ARHGAP10: variants seen among roughly 807,000 people sequenced by gnomAD.
ARHGAP10 encodes the protein Rho GTPase activating protein 10, also known as rho GTPase-activating protein 10.
A neutral mutation model predicts 108.6 loss-of-function variants in ARHGAP10; 87 were observed. The observed-to-expected ratio is 0.80, with a 90% CI of 0.67 to 0.96. The LOEUF (loss-of-function observed/expected upper bound fraction) is 0.96. Ranked by LOEUF, ARHGAP10 falls within the 40% of genes least tolerant of loss-of-function variation. The probability of loss-of-function intolerance (pLI) is 0.00; values close to 1 mark genes in which losing one functional copy is unlikely to be tolerated. For synonymous variants in ARHGAP10, 347 were observed against 341.1 expected, an observed-to-expected ratio of 1.02 and a Z score of -0.19; for missense variants, 939 against 954.5, an observed-to-expected ratio of 0.98 and a Z score of 0.21.
intron 22 of ARHGAP10, among the ~76,000 whole-genome samples, chr4:148,068,468 A>G (rs1012973655): frequency 5.9e-5 from 9 of 152,242 alleles, no homozygotes; most frequent in African/African-American, 1.9e-4. Context: ...TGGTTGCCAG[A>G]TAGATTCCTA....
At chr4:147,831,604 G>A (rs1400492600) in intron 3 of ARHGAP10, among the ~76,000 whole-genome samples, 1 of 152,172 alleles carries the variant, frequency 6.6e-6, no homozygotes, top group Non-Finnish European at 1.5e-5. Context: ...TTTAAAAGTT[G>A]TCAGTGACCT....
intron 18 of ARHGAP10, among the ~76,000 whole-genome samples, chr4:148,012,010 A>G (rs757603621): frequency 7.2e-5 from 11 of 152,188 alleles, no homozygotes; most frequent in Non-Finnish European, 1.3e-4. Context: ...GCATGACCCA[A>G]TTTGACAGGT....
At chr4:147,882,666 A>C (rs1182835654) in intron 10 of ARHGAP10, among the ~76,000 whole-genome samples, 2 of 152,160 alleles carry the variant, frequency 1.3e-5, no homozygotes, top group East Asian at 3.9e-4. Flanking sequence ...GTCTTAGGCA[A>C]ACTCCTTCTG....
chr4:147,994,830 G>A (rs1407847759), intron 18 of ARHGAP10, among the ~76,000 whole-genome samples: 1 of 152,186 alleles, frequency 6.6e-6, no homozygotes, highest in Admixed American at 6.5e-5. Flanking sequence ...GTGGAAATGG[G>A]GGGAAATGAC....
chr4:147,927,130 CT>C (rs934220664), intron 13 of ARHGAP10, among the ~76,000 whole-genome samples: 1 of 152,056 alleles, frequency 6.6e-6, no homozygotes, highest in African/African-American at 2.4e-5. Context: ...ATAGTCTGAC[CT>C]TTTTTTGAGG....
At chr4:148,046,193 A>T (rs1372171687) in intron 19 of ARHGAP10, among the ~76,000 whole-genome samples, 1 of 152,230 alleles carries the variant, frequency 6.6e-6, no homozygotes, top group African/African-American at 2.4e-5. Flanking sequence ...ACCCAAGCCC[A>T]CAATGTATAC....
intron 1 of ARHGAP10, among the ~76,000 whole-genome samples, chr4:147,800,694 C>T: frequency 6.6e-6 from 1 of 152,206 alleles, no homozygotes. Flanking sequence ...TTCTTACCAT[C>T]TTTCAGAGTT....
chr4:147,739,754 T>G (rs1440984704), intron 1 of ARHGAP10, among the ~76,000 whole-genome samples: 2 of 150,910 alleles, frequency 1.3e-5, no homozygotes, highest in African/African-American at 4.9e-5. Context: ...TTTTTTTTTT[T>G]GACGGAGTTT....
intron 1 of ARHGAP10, among the ~76,000 whole-genome samples, chr4:147,794,178 A>G (rs1486139660): frequency 6.6e-6 from 1 of 152,208 alleles, no homozygotes; most frequent in Non-Finnish European, 1.5e-5. Flanking sequence ...CAGAGCGGTT[A>G]TGGTTTTGCA....
rs1186990528 is a variant in ARHGAP10, at chr4:147,857,588, G to T, written c.420G>T (p.Lys140Asn). The T allele has an allele frequency of 2.7e-6, 4 of 1,481,016 alleles. No homozygotes were observed. The highest frequency in any genetic ancestry group is 1.4e-5 in the South Asian group (1 of 70,224). The allele number at this position is 1,481,016 out of a possible 1,614,324, so 91.7% of individuals were successfully genotyped here. ...EKKKFDKETE[K>N]NYSLIDKHLN... is the part of the protein sequence containing the mutation. Reference sequence around the variant, plus strand: ...AGAAGTTTGACAAAGAGACAGAAAAGAATTATAGTCTAATTGATAAACATT... The same window carrying T: ...AGAAGTTTGACAAAGAGACAGAAAATAATTATAGTCTAATTGATAAACATT... The change falls in exon 5 of 23, where the codon AAG becomes AAT. Residue 140 changes from lysine (K) to asparagine (N), a missense_variant. By Grantham distance (94) the Lys-to-Asn change is moderately conservative. Coordinates refer to ENST00000336498, the MANE Select transcript of ARHGAP10 (RefSeq NM_024605.4).
intron 1 of ARHGAP10, among the ~76,000 whole-genome samples, chr4:147,802,865 G>A (rs1349992093): frequency 6.6e-6 from 1 of 152,184 alleles, no homozygotes; most frequent in Non-Finnish European, 1.5e-5. Flanking sequence ...CCTTCAAAAT[G>A]TGGTCCTCCA....
At chr4:147,989,358 A>G (rs1740175550) in intron 18 of ARHGAP10, among the ~76,000 whole-genome samples, 1 of 152,270 alleles carries the variant, frequency 6.6e-6, no homozygotes, top group African/African-American at 2.4e-5. Context: ...ACATCTTATC[A>G]GGAGACAGGG....
At chr4:148,044,600 C>T (rs1157800782) in intron 19 of ARHGAP10, among the ~76,000 whole-genome samples, 1 of 152,182 alleles carries the variant, frequency 6.6e-6, no homozygotes, top group Non-Finnish European at 1.5e-5. Flanking sequence ...TTACTCTGGA[C>T]TCCGTTCTGG....
At chr4:147,806,274 T>C (rs923939979) in intron 1 of ARHGAP10, among the ~76,000 whole-genome samples, 15 of 152,136 alleles carry the variant, frequency 9.9e-5, no homozygotes, top group Non-Finnish European at 1.9e-4. Context: ...TAGTTACATA[T>C]ATCTATTATC....
chr4:147,732,586 G>C, intron 1 of ARHGAP10, 131 bp downstream of exon 1: 1 of 1,310,468 alleles, frequency 7.6e-7, no homozygotes, highest in South Asian at 1.5e-5. Flanking sequence ...TTCCGGACCA[G>C]CCCAGCTCTC....
chr4:147,854,566 T>C, intron 4 of ARHGAP10: 1 of 318,712 alleles, frequency 3.1e-6, no homozygotes, highest in African/African-American at 2.3e-5. Flanking sequence ...TGGATTACGC[T>C]GTTACATTTA....
intron 14 of ARHGAP10, among the ~76,000 whole-genome samples, chr4:147,944,411 A>G (rs1346817865): frequency 6.6e-6 from 1 of 152,166 alleles, no homozygotes; most frequent in African/African-American, 2.4e-5. Context: ...AAGTCTTCAG[A>G]CCTTTGAGTA....
chr4:148,059,345 C>T (rs942344022), intron 20 of ARHGAP10, among the ~76,000 whole-genome samples: 1 of 152,076 alleles, frequency 6.6e-6, no homozygotes, highest in African/African-American at 2.4e-5. Flanking sequence ...ACTTGTGGCA[C>T]TTAGGTACTT....
intron 1 of ARHGAP10, among the ~76,000 whole-genome samples, chr4:147,814,085 T>G (rs1732136612): frequency 6.6e-6 from 1 of 152,182 alleles, no homozygotes; most frequent in Non-Finnish European, 1.5e-5. Flanking sequence ...CAACACGGGC[T>G]GGTGATTTCT....
Sources: gnomAD v4.1 joint callset for allele counts (sites outside exome capture counted in the v4.1 genomes callset) on GRCh38, gnomAD v4.1.1 for gene constraint, MANE v1.5 for transcripts, NCBI Gene and HGNC (gene_info 2026-07-23, HGNC 2026-07-21) for gene names.